The following XKR8 variants were observed in gnomAD, a reference collection of about 807,000 sequenced individuals.
XKR8 encodes the protein XK-related protein 8.
In XKR8, 10 loss-of-function variants were observed where a neutral mutation model predicts 17.1. The observed-to-expected ratio is 0.59, with a 90% CI of 0.36 to 0.99. XKR8 has a LOEUF of 0.99. Among genes scored for constraint, XKR8 ranks in the 50% least tolerant of loss-of-function variants. The pLI is 0.01. For synonymous variants in XKR8, 213 were observed against 251.9 expected (o/e 0.85, Z 1.46); for missense variants, 411 against 515.6 (o/e 0.80, Z 1.96).
At chr1:27,963,803 AG>A in intron 2 of XKR8, 110 bp downstream of exon 2, 7 of 1,184,458 alleles carry the variant, frequency 5.9e-6, no homozygotes, top group Non-Finnish European at 8.1e-6. Flanking sequence ...ACAGGAGAAC[AG>A]GCTTTAGTCA....
At position 27,963,604 on chromosome 1, in the gene XKR8, G is replaced by A. The variant is rs752900183; in HGVS notation, c.401G>A (p.Arg134Gln). The A allele has an allele frequency of 2.5e-5, 41 of 1,613,922 alleles. No individual in the cohort carries two copies. The highest frequency in any genetic ancestry group is 2.5e-4 in the South Asian group (23 of 91,054). Residue 134 changes from arginine (R) to glutamine (Q), a missense_variant, in exon 2 of 3, where the codon CGG becomes CAG. Transcript: ENST00000373884. ...CTCGCCCTGGACATCAGCATGCTGC[G>A]GCTCTTCGAGACCTTCTTGGAGACG... ...DFLALDISML[R>Q]LFETFLETAP...
In XKR8 at chr1:27,963,545, G is replaced by T; in HGVS notation, c.342G>T (p.Glu114Asp). 1 of 1,613,894 alleles carries T rather than the reference G, an allele frequency of 6.2e-7. No individual in the cohort carries two copies. The highest frequency in any genetic ancestry group is 8.5e-7 in the Non-Finnish European group (1 of 1,179,890). ...GGCTGCTGGTGTGGCAGCAGGAGGA[G>T]CCCTCTGAGTTTGACTTGGCCTACG... ...RQGLLVWQQE[E>D]PSEFDLAYAD... is the part of the protein sequence containing the mutation. Residue 114 changes from glutamate (E) to aspartate (D), a missense_variant, in exon 2 of 3, where the codon GAG (glutamate) becomes GAT (aspartate). Physicochemically the swap from Glu to Asp is conservative, Grantham distance 45. Transcript: ENST00000373884.
In XKR8 at chr1:27,963,742, T is replaced by C. The variant is rs763819067; in HGVS notation, c.490+49T>C. On this transcript the variant is annotated intron_variant, in intron 2 of 2. Transcript: ENST00000373884. ...CCCCCTGTCGTGGCTTGGTGGGGGG[T>C]CTCTCAAATGTTGGAACTGTTTTTA... is the stretch of plus-strand genomic sequence containing the variant. 8 of 1,453,622 alleles carry C rather than the reference T, an allele frequency of 5.5e-6. No homozygotes were observed. In the South Asian group the frequency reaches 9.8e-5, roughly 18 times the overall value. 90.0% of individuals were successfully genotyped at this position (1,453,622 alleles called of 1,614,324 possible).
At position 27,966,476 on chromosome 1, in the gene XKR8, C is replaced by T. The variant is rs943389526; in HGVS notation, c.491-27C>T. ...AGTGCCAAGCAGGCTGGCCCCAGGA[C>T]TCACTGTTCCCTCCTACTCTTTGCA... is the stretch of plus-strand genomic sequence containing the variant. On this transcript the variant is annotated intron_variant, in intron 2 of 2. Coordinates refer to ENST00000373884, the MANE Select transcript of XKR8 (RefSeq NM_018053.4). The surrounding 1 kb of genome is among the most constrained non-coding windows in gnomAD (Gnocchi z 4.3). 30 of 1,585,834 alleles carry T rather than the reference C, an allele frequency of 1.9e-5. No individual in the cohort carries two copies. The highest frequency in any genetic ancestry group is 2.4e-5 in the Non-Finnish European group (28 of 1,162,858).
Position 27,966,474 on chromosome 1 carries a change from G to A in XKR8, c.491-29G>A, listed in dbSNP as rs1638570810. On this transcript the variant is annotated intron_variant, in intron 2 of 2. Transcript: ENST00000373884. This position sits in a 1 kb window ranked among gnomAD's most constrained non-coding sequence, Gnocchi z 4.3. ...GGAGTGCCAAGCAGGCTGGCCCCAG[G>A]ACTCACTGTTCCCTCCTACTCTTTG... 1.3e-6 allele frequency: 2 copies of A among 1,584,466 alleles called. No individual in the cohort carries two copies. The highest frequency in any genetic ancestry group is 1.7e-6 in the Non-Finnish European group (2 of 1,162,038).
At chr1:27,963,840 T>C in intron 2 of XKR8, 147 bp downstream of exon 2, 1 of 818,010 alleles carries the variant, frequency 1.2e-6, no homozygotes. Context: ...AAACCTAAAG[T>C]CACTCTACAG....
intron 1 of XKR8, among the ~76,000 whole-genome samples, chr1:27,961,452 T>C (rs1023460234): frequency 6.6e-6 from 1 of 152,104 alleles, no homozygotes; most frequent in Non-Finnish European, 1.5e-5. Flanking sequence ...GAGAGGAGCT[T>C]TGAATGTGGC....
At chr1:27,963,766 T>C (rs1042449591) in intron 2 of XKR8, 73 bp downstream of exon 2, 170 of 1,401,454 alleles carry the variant, frequency 1.2e-4, no homozygotes, top group Middle Eastern at 7.5e-4. Context: ...GAACTGTTTT[T>C]AGTCTTTTAT....
intron 2 of XKR8, among the ~76,000 whole-genome samples, chr1:27,964,970 A>G (rs1315055741): frequency 6.6e-6 from 1 of 152,174 alleles, no homozygotes; most frequent in Non-Finnish European, 1.5e-5. Context: ...TCGATCTCCA[A>G]GGGCCCTTTC....
chr1:27,967,550 A>C lies in XKR8; in HGVS notation c.*350A>C. 2.7e-5 allele frequency: 5 copies of C among 185,678 alleles called. No individual in the cohort carries two copies. The highest frequency in any genetic ancestry group is 1.3e-4 in the South Asian group (1 of 7,946). 11.5% of individuals were successfully genotyped at this position (185,678 alleles called of 1,614,324 possible). A position where few individuals can be genotyped will look rare whatever the true frequency, so the allele number is the denominator to read the frequency against. On this transcript the variant is annotated 3_prime_UTR_variant, in exon 3 of 3. Transcript: ENST00000373884. This position sits in a 1 kb window ranked among gnomAD's most constrained non-coding sequence, Gnocchi z 4.3. ...ACCTCCCTCCCTGGCTACCTCTAAA[A>C]TGACTGGTATAGGTGCTGCCCCACC...
At position 27,961,651 on chromosome 1, in the gene XKR8, C is replaced by G. The variant is rs952421757; in HGVS notation, c.293+1289C>G. 3.3e-5 allele frequency among the ~76,000 whole-genome samples: 5 copies of G among 152,344 alleles called. No homozygotes were observed. The East Asian group carries it at 9.6e-4, about 29-fold the overall frequency. ...TAGCTTTGGCTTTGGAAATGGGTCT[C>G]TGTTCCTGCCTGTGAATTGGCCGAG... On this transcript the variant is annotated intron_variant, in intron 1 of 2. Coordinates refer to ENST00000373884, the MANE Select transcript of XKR8 (RefSeq NM_018053.4).
rs775496016 is a variant in XKR8, at chr1:27,967,210, G to A, written c.*10G>A. ...GCCAGTGAAGGGATAGGTGAACGGC[G>A]TCCTTTGAAGCAGGATCAGACCCAG... On this transcript the variant is annotated 3_prime_UTR_variant, in exon 3 of 3. Coordinates refer to ENST00000373884, the MANE Select transcript of XKR8 (RefSeq NM_018053.4). This position sits in a 1 kb window ranked among gnomAD's most constrained non-coding sequence, Gnocchi z 4.3. 2.0e-5 allele frequency: 31 copies of A among 1,532,690 alleles called. No individual in the cohort carries two copies. The South Asian group carries it at 2.5e-4, about 12-fold the overall frequency. 94.9% of individuals were successfully genotyped at this position (1,532,690 alleles called of 1,614,324 possible). A position where few individuals can be genotyped will look rare whatever the true frequency, so the allele number is the denominator to read the frequency against.
Position 27,967,343 on chromosome 1 carries a change from CCGGGCACCAGGGATGGTGCTGAGT to C in XKR8, c.*150_*173del. On this transcript the variant is annotated 3_prime_UTR_variant, in exon 3 of 3. Transcript: ENST00000373884. This position sits in a 1 kb window ranked among gnomAD's most constrained non-coding sequence, Gnocchi z 4.3. ...GCAAGAGCGGGACGCCTGTGCTGGGCCGGGCACCAGGGATGGTGCTGAGTCGGGCAGAGGCCTCCTTTCAAGGAG... is the reference window on the plus strand; with the variant it reads ...GCAAGAGCGGGACGCCTGTGCTGGGCCGGGCAGAGGCCTCCTTTCAAGGAG... The C allele has an allele frequency of 3.1e-6, 3 of 957,136 alleles. No homozygotes were observed. The South Asian group carries it at 5.5e-5, about 18-fold the overall frequency. 59.3% of individuals were successfully genotyped at this position (957,136 alleles called of 1,614,324 possible).
Position 27,960,486 on chromosome 1 carries a change from G to C in XKR8, c.293+124G>C. 9.7e-7 allele frequency: 1 copy of C among 1,027,368 alleles called. No homozygotes were observed. The highest frequency in any genetic ancestry group is 1.3e-6 in the Non-Finnish European group (1 of 774,138). The allele number at this position is 1,027,368 out of a possible 1,614,324, so 63.6% of individuals were successfully genotyped here. ...CTGGGAGAGGGAACCAAGTCCTGTGGGCGCCTGGCCTACAGGTGAGCGTGC... is the reference window on the plus strand; with the variant it reads ...CTGGGAGAGGGAACCAAGTCCTGTGCGCGCCTGGCCTACAGGTGAGCGTGC... On this transcript the variant is annotated intron_variant, in intron 1 of 2. Transcript: ENST00000373884. This position sits in a 1 kb window ranked among gnomAD's most constrained non-coding sequence, Gnocchi z 5.9.
At chr1:27,963,781 G>T (rs902154060) in intron 2 of XKR8, 88 bp downstream of exon 2, 1 of 1,338,594 alleles carries the variant, frequency 7.5e-7, no homozygotes, top group Non-Finnish European at 1.0e-6. Context: ...TTTTATAAAG[G>T]CTGCTTAGAA....
chr1:27,966,505 G>T lies in XKR8; in HGVS notation c.493G>T (p.Val165Phe), dbSNP rs758789279. 1 of 1,610,416 alleles carries T rather than the reference G, an allele frequency of 6.2e-7. No homozygotes were observed. The highest frequency in any genetic ancestry group is 1.1e-5 in the South Asian group (1 of 90,636). The change falls in exon 3 of 3, where the codon GTT (valine) becomes TTT (phenylalanine). Residue 165 changes from valine to phenylalanine, a missense_variant and splice_region_variant. Physicochemically the swap from Val to Phe is conservative, Grantham distance 50. Coordinates refer to ENST00000373884, the MANE Select transcript of XKR8 (RefSeq NM_018053.4). This position sits in a 1 kb window ranked among gnomAD's most constrained non-coding sequence, Gnocchi z 4.3. ...QSGRAEYYQW[V>F]GICTSFLGIS... ...CTGTTCCCTCCTACTCTTTGCAGGG[G>T]TTGGCATCTGCACATCCTTCCTGGG...
chr1:27,965,699 G>A lies in XKR8; in HGVS notation c.491-804G>A, dbSNP rs2148687375. ...CTGCTGAGACCTGGGCAAGGCTAAT[G>A]AGCACAGATCTGTTTCCAGGCTAGG... On this transcript the variant is annotated intron_variant, in intron 2 of 2. Coordinates refer to ENST00000373884, the MANE Select transcript of XKR8 (RefSeq NM_018053.4). The surrounding 1 kb of genome is among the most constrained non-coding windows in gnomAD (Gnocchi z 4.1). Among the ~76,000 whole-genome samples, 1 of 152,338 alleles carries A rather than the reference G, an allele frequency of 6.6e-6. No homozygotes were observed. Among genetic ancestry groups the A allele is most frequent in the South Asian group, 2.1e-4 (1 of 4,828 alleles).
In XKR8 at chr1:27,967,224, G is replaced by T. The variant is rs765125526; in HGVS notation, c.*24G>T. 16 of 1,526,534 alleles carry T rather than the reference G, an allele frequency of 1.0e-5. No homozygotes were observed. In the South Asian group the frequency reaches 2.1e-4, roughly 20 times the overall value. The allele number at this position is 1,526,534 out of a possible 1,614,324, so 94.6% of individuals were successfully genotyped here. A position where few individuals can be genotyped will look rare whatever the true frequency, so the allele number is the denominator to read the frequency against. ...AGGTGAACGGCGTCCTTTGAAGCAG[G>T]ATCAGACCCAGCCAGCAGAGATGGA... On this transcript the variant is annotated 3_prime_UTR_variant, in exon 3 of 3. Transcript: ENST00000373884. This position sits in a 1 kb window ranked among gnomAD's most constrained non-coding sequence, Gnocchi z 4.3.
intron 2 of XKR8, 65 bp downstream of exon 2, chr1:27,963,758 A>T: frequency 7.0e-7 from 1 of 1,428,058 alleles, no homozygotes; most frequent in Non-Finnish European, 9.3e-7. Flanking sequence ...AAATGTTGGA[A>T]CTGTTTTTAG....
Sources: allele counts gnomAD v4.1 joint callset (sites outside exome capture counted in the v4.1 genomes callset), GRCh38; gene constraint gnomAD v4.1.1; non-coding constraint Gnocchi (gnomAD v3.1); transcripts MANE v1.5; gene names NCBI Gene and HGNC (gene_info 2026-07-23, HGNC 2026-07-21).